Variants in EZR observed in about 807,000 individuals in gnomAD.
EZR encodes cytovillin 2.
EZR carries 40 observed loss-of-function variants against 74.8 expected under a neutral mutation model. The observed-to-expected ratio is 0.53, with a 90% CI of 0.42 to 0.70. EZR has a LOEUF of 0.70. Ranked by LOEUF, EZR falls within the 30% of genes least tolerant of loss-of-function variation. The pLI is 0.00. For missense variants in EZR, 678 were observed against 755.8 expected, an observed-to-expected ratio of 0.90 and a Z score of 1.21; for synonymous variants, 341 against 283.3, an observed-to-expected ratio of 1.20 and a Z score of -2.05.
intron 2 of EZR, among the ~76,000 whole-genome samples, chr6:158,792,811 T>C (rs1269555017): frequency 1.6e-4 from 12 of 77,282 alleles, no homozygotes; most frequent in Admixed American, 1.1e-3. Context: ...CAAGACTCCA[T>C]CTCAAAAAAA....
At chr6:158,796,757 A>G (rs1777080792) in intron 2 of EZR, among the ~76,000 whole-genome samples, 1 of 152,168 alleles carries the variant, frequency 6.6e-6, no homozygotes, top group South Asian at 2.1e-4. Flanking sequence ...TGTTGATGCC[A>G]ACAGTGGCAG....
chr6:158,800,716 C>T (rs1179778234), intron 2 of EZR, among the ~76,000 whole-genome samples: 1 of 152,130 alleles, frequency 6.6e-6, no homozygotes, highest in African/African-American at 2.4e-5. Flanking sequence ...GCAGGACAAT[C>T]GCTTGAACCT....
intron 12 of EZR, 124 bp downstream of exon 12, chr6:158,769,202 A>C (rs1013642097): frequency 1.4e-6 from 1 of 700,346 alleles, no homozygotes; most frequent in African/African-American, 1.8e-5. Context: ...AGAAGCTTCC[A>C]GTGGGATGTG....
At chr6:158,815,930 G>A (rs935932481) in intron 2 of EZR, among the ~76,000 whole-genome samples, 11 of 152,150 alleles carry the variant, frequency 7.2e-5, no homozygotes, top group Non-Finnish European at 1.2e-4. Context: ...CATCTTTTAA[G>A]TTCTGATCTA....
chr6:158,807,458 G>A (rs1403431950), intron 2 of EZR, among the ~76,000 whole-genome samples: 1 of 152,218 alleles, frequency 6.6e-6, no homozygotes, highest in Non-Finnish European at 1.5e-5. Flanking sequence ...CCTGAGAAAG[G>A]ATGGAAGAGT....
At chr6:158,770,154 A>G (rs922290299) in intron 10 of EZR, among the ~76,000 whole-genome samples, 3 of 152,212 alleles carry the variant, frequency 2.0e-5, no homozygotes, top group African/African-American at 7.2e-5. Context: ...AAACCCGTCC[A>G]ACGCCAGCCA....
chr6:158,766,741 A>C lies in EZR; in HGVS notation c.*173T>G, dbSNP rs191909538. 57 of 687,490 alleles carry C rather than the reference A, an allele frequency of 8.3e-5. No homozygotes were observed. In the East Asian group the frequency reaches 1.4e-3, roughly 17 times the overall value. The allele number at this position is 687,490 out of a possible 1,614,324, so 42.6% of individuals were successfully genotyped here. On this transcript the variant is annotated 3_prime_UTR_variant, in exon 14 of 14. Transcript: ENST00000367075. Reference sequence around the variant, plus strand: ...TGGCACTATTACAACTGGGGAAAACAAACCAGGGCGCCTCCCTGGTTCCCA... The same window carrying C: ...TGGCACTATTACAACTGGGGAAAACCAACCAGGGCGCCTCCCTGGTTCCCA...
intron 12 of EZR, among the ~76,000 whole-genome samples, chr6:158,768,025 C>A (rs1354109175): frequency 6.6e-6 from 1 of 151,888 alleles, no homozygotes; most frequent in Non-Finnish European, 1.5e-5. Context: ...GAACCAAAGT[C>A]TTCCGCTTGC....
intron 8 of EZR, among the ~76,000 whole-genome samples, chr6:158,773,682 G>A (rs1282698182): frequency 6.6e-6 from 1 of 152,226 alleles, no homozygotes; most frequent in African/African-American, 2.4e-5. Flanking sequence ...TCATCTGGCC[G>A]CAGAGATGGC....
intron 7 of EZR, among the ~76,000 whole-genome samples, chr6:158,780,486 G>A (rs1791407109): frequency 6.6e-6 from 1 of 152,160 alleles, no homozygotes; most frequent in Admixed American, 6.5e-5. Flanking sequence ...GGAAAGAGAC[G>A]TGAGAAAGCA....
chr6:158,818,322 G>A (rs1029479230), intron 1 of EZR, 156 bp from the exon 2 acceptor site: 1 of 278,112 alleles, frequency 3.6e-6, no homozygotes, highest in South Asian at 1.6e-4. Context: ...GGCATGGGGA[G>A]GGGGCACGGG....
chr6:158,788,648 A>C (rs952561695), intron 3 of EZR, among the ~76,000 whole-genome samples: 2 of 124,944 alleles, frequency 1.6e-5, no homozygotes, highest in Non-Finnish European at 3.8e-5. Flanking sequence ...TTCAGTCTCA[A>C]AGAAAAAAAA....
At position 158,785,231 on chromosome 6, in the gene EZR, G is replaced by C. The variant is rs900662376; in HGVS notation, c.467+78C>G. On this transcript the variant is annotated intron_variant, in intron 5 of 13. Transcript: ENST00000367075. ...GGCGAAGTCCTTGTGTTTTTAAACT[G>C]TGCTTCTAAGGCAATCACTTCTCCC... is the stretch of plus-strand genomic sequence containing the variant. The C allele has an allele frequency of 6.5e-5, 102 of 1,557,428 alleles. 1 individual carries two copies. In the South Asian group the frequency reaches 1.1e-3, roughly 17 times the overall value.
At position 158,787,114 on chromosome 6, in the gene EZR, A is replaced by C. The variant is rs1262856769; in HGVS notation, c.186T>G (p.Asp62Glu). Residue 62 changes from aspartate to glutamate, a missense_variant, in exon 4 of 14, where the codon GAT becomes GAG. Around this residue, in one of 3 missense-constraint regions of EZR, gnomAD observed 217 missense variants for 232.2 expected, o/e 0.93. Transcript: ENST00000367075. The part of the protein sequence containing the change: ...NKGFPTWLKL[D>E]KKVSAQEVRK... ...ATAGTTAATCCTGACTTGCCTTCTT[A>C]TCCAGCTTCAGCCAGGTAGGAAATC... 1 of 1,612,978 alleles carries C rather than the reference A, an allele frequency of 6.2e-7. No individual in the cohort carries two copies.
At chr6:158,814,106 C>A (rs1347042181) in intron 2 of EZR, among the ~76,000 whole-genome samples, 4 of 152,156 alleles carry the variant, frequency 2.6e-5, no homozygotes, top group African/African-American at 9.7e-5. Flanking sequence ...GGCCACACAG[C>A]ACACCATGTC....
At chr6:158,771,645 G>A (rs74394596) in intron 8 of EZR, among the ~76,000 whole-genome samples, 1 of 151,630 alleles carries the variant, frequency 6.6e-6, no homozygotes, top group African/African-American at 2.4e-5. Context: ...TCTCTGGGAC[G>A]GGTGGAGGAA....
intron 2 of EZR, among the ~76,000 whole-genome samples, chr6:158,807,900 T>C (rs1415021983): frequency 6.6e-6 from 1 of 152,050 alleles, no homozygotes; most frequent in Non-Finnish European, 1.5e-5. Context: ...TGAGGAAAGG[T>C]GGGACAATGT....
chr6:158,769,271 G>A, intron 12 of EZR, 55 bp downstream of exon 12: 1 of 1,520,292 alleles, frequency 6.6e-7, no homozygotes, highest in Admixed American at 1.7e-5. Context: ...CCCACCGCAG[G>A]CAATTGGGCA....
intron 2 of EZR, among the ~76,000 whole-genome samples, chr6:158,789,824 T>C (rs3123117): frequency 0.78 from 118,294 of 152,252 alleles, 47,858 homozygotes; most frequent in African/African-American, 0.91. Flanking sequence ...CTCACTATGT[T>C]GCCTAGGCTG....
Sources: gnomAD v4.1 joint callset for allele counts (sites outside exome capture counted in the v4.1 genomes callset) on GRCh38, gnomAD v4.1.1 for gene constraint, gnomAD v4.1.1 regional missense constraint, MANE v1.5 for transcripts, NCBI Gene and HGNC (gene_info 2026-07-23, HGNC 2026-07-21) for gene names.